Variants in KLHL14 observed in about 807,000 individuals in gnomAD.
The protein encoded by KLHL14 is kelch-like protein 14.
In KLHL14, 22 loss-of-function variants were observed where a neutral mutation model predicts 64.3. The ratio of observed to expected loss-of-function variants is 0.34; its 90% CI spans 0.24 to 0.49. KLHL14 has a LOEUF of 0.49. KLHL14 is among the 20% of genes least tolerant of loss of function. KLHL14 has a pLI of 0.99. For missense variants in KLHL14, 661 were observed against 789.0 expected, an observed-to-expected ratio of 0.84 and a Z score of 1.94; for synonymous variants, 322 against 333.4, an observed-to-expected ratio of 0.97 and a Z score of 0.37.
At chr18:32,738,016 C>CA (rs1455332680) in intron 3 of KLHL14, 4 of 151,984 alleles carry the variant, frequency 2.6e-5, no homozygotes, top group Admixed American at 1.3e-4. Flanking sequence ...TTGTTGGTCA[C>CA]AAAAGGCAAC....
chr18:32,748,527 G>C (rs2050235768), intron 2 of KLHL14, among the ~76,000 whole-genome samples: 1 of 151,960 alleles, frequency 6.6e-6, no homozygotes. Flanking sequence ...CCGCCATCAC[G>C]CCTGGCTAAT....
intron 5 of KLHL14, among the ~76,000 whole-genome samples, chr18:32,686,177 A>AT (rs148393455): frequency 0.025 from 2,663 of 107,658 alleles, 52 homozygotes; most frequent in Non-Finnish European, 0.029. Context: ...GTGCCCGGCT[A>AT]TTTTTTTTTT....
rs538208472 is a variant in KLHL14 at position 32,701,545 on chromosome 18, G to A, written c.1070-5993C>T. On this transcript the variant is annotated intron_variant, in intron 3 of 8. Transcript: ENST00000359358. ...GCAGGCAGACACAGGCTGAAATGCA[G>A]GTCTTCATGAGCCAGAATAAGCATG... Among the ~76,000 whole-genome samples the A allele has an allele frequency of 3.9e-5, 6 of 152,268 alleles. No individual in the cohort carries two copies. In the East Asian group the frequency reaches 1.2e-3, roughly 29 times the overall value.
At chr18:32,753,221 T>A (rs534691977) in intron 2 of KLHL14, among the ~76,000 whole-genome samples, 1 of 152,298 alleles carries the variant, frequency 6.6e-6, no homozygotes, top group South Asian at 2.1e-4. Context: ...AAATCCTACT[T>A]GGGGACGCAC....
intron 4 of KLHL14, among the ~76,000 whole-genome samples, chr18:32,688,213 GT>G (rs1478043277): frequency 6.6e-6 from 1 of 152,090 alleles, no homozygotes; most frequent in Non-Finnish European, 1.5e-5. Context: ...TTATATATGT[GT>G]AACTAAACAT....
chr18:32,714,790 G>A (rs2144503431), intron 3 of KLHL14, among the ~76,000 whole-genome samples: 1 of 152,080 alleles, frequency 6.6e-6, no homozygotes, highest in East Asian at 1.9e-4. Context: ...CAAGAACTAT[G>A]CTCAGGTACA....
intron 3 of KLHL14, among the ~76,000 whole-genome samples, chr18:32,697,429 A>G (rs759458216): frequency 6.6e-6 from 1 of 152,218 alleles, no homozygotes; most frequent in Non-Finnish European, 1.5e-5. Context: ...AGCTGTATGC[A>G]TCAATTCACA....
rs1035311783 is a variant in KLHL14 at position 32,751,827 on chromosome 18, G to A, written c.948-9778C>T. Among the ~76,000 whole-genome samples the A allele has an allele frequency of 4.6e-5, 7 of 152,226 alleles. No homozygotes were observed. In the East Asian group the frequency reaches 9.6e-4, roughly 21 times the overall value. On this transcript the variant is annotated intron_variant, in intron 2 of 8. Coordinates refer to ENST00000359358, the MANE Select transcript of KLHL14 (RefSeq NM_020805.3). ...TTTGTTGTATAAATGAAGATATGACGAATAAAAGAAGGAATAGAGTCCAAC... is the reference window on the plus strand; with the variant it reads ...TTTGTTGTATAAATGAAGATATGACAAATAAAAGAAGGAATAGAGTCCAAC...
rs111809508 is a variant in KLHL14, at chr18:32,683,116, G to GT, written c.1239-2518dup. On this transcript the variant is annotated intron_variant, in intron 5 of 8. Transcript: ENST00000359358. This position sits in a 1 kb window ranked among gnomAD's most constrained non-coding sequence, Gnocchi z 4.2. ...AACTCATTTTCTTGTCTAAAATTCA[G>GT]TTTTTTTTCACTTTTTATGATCTGG... 8.1e-3 allele frequency among the ~76,000 whole-genome samples: 1,234 copies of GT among 151,852 alleles called. 19 individuals carry two copies. Among genetic ancestry groups the GT allele is most frequent in the African/African-American group, 0.028 (1,142 of 41,404 alleles).
rs538905806 is a variant in KLHL14, at chr18:32,706,600, G to A, written c.1070-11048C>T. ...CTAAGACAATCTAAAGATACATACC[G>A]GGTTATCTATGCAGGACTTGATAAC... On this transcript the variant is annotated intron_variant, in intron 3 of 8. Transcript: ENST00000359358. 1.1e-3 allele frequency among the ~76,000 whole-genome samples: 165 copies of A among 152,138 alleles called. 1 individual carries two copies. Among genetic ancestry groups the A allele is most frequent in the Non-Finnish European group, 1.8e-3 (120 of 68,018 alleles).
At chr18:32,772,156 C>T (rs765183213) in intron 1 of KLHL14, 4 of 312,730 alleles carry the variant, frequency 1.3e-5, no homozygotes, top group African/African-American at 2.2e-5. Flanking sequence ...CCGCCCGGCT[C>T]GGAGGGATCC....
intron 3 of KLHL14, chr18:32,733,866 G>A (rs980747967): frequency 3.0e-6 from 1 of 334,620 alleles, no homozygotes; most frequent in African/African-American, 2.1e-5. Context: ...AATTGCTACG[G>A]TCTTTCCAAA....
At chr18:32,758,092 C>G (rs1197128319) in intron 2 of KLHL14, among the ~76,000 whole-genome samples, 1 of 152,014 alleles carries the variant, frequency 6.6e-6, no homozygotes, top group Non-Finnish European at 1.5e-5. Flanking sequence ...ATCTCTCTCT[C>G]TCTCTCTTTT....
rs1436178578 is a variant in KLHL14 at position 32,677,088 on chromosome 18, G to A, written c.1746+85C>T. Reference sequence around the variant, plus strand: ...AGTATGATACTCTTAAAAGGTACATGTGTGGAGGATAACACATTTGGAAGG... The same window carrying A: ...AGTATGATACTCTTAAAAGGTACATATGTGGAGGATAACACATTTGGAAGG... On this transcript the variant is annotated intron_variant, in intron 8 of 8. Transcript: ENST00000359358. 7 of 1,364,182 alleles carry A rather than the reference G, an allele frequency of 5.1e-6. No homozygotes were observed. In the Admixed American group the frequency reaches 9.9e-5, roughly 19 times the overall value. 84.5% of individuals were successfully genotyped at this position (1,364,182 alleles called of 1,614,324 possible). A position where few individuals can be genotyped will look rare whatever the true frequency, so the allele number is the denominator to read the frequency against.
At chr18:32,736,231 A>G (rs778357617) in intron 3 of KLHL14, among the ~76,000 whole-genome samples, 20 of 152,202 alleles carry the variant, frequency 1.3e-4, no homozygotes, top group Admixed American at 7.2e-4. Flanking sequence ...ACCACCACAC[A>G]TATTTTCTTA....
chr18:32,770,043 C>T lies in KLHL14; in HGVS notation c.549G>A (p.Val183=), dbSNP rs1052273167. Reference sequence around the variant, plus strand: ...TCTTGCACACCTGCTTGTAGTTCTGCACCGAGATCTGGTCGTTGAGGAACT... The same window carrying T: ...TCTTGCACACCTGCTTGTAGTTCTGTACCGAGATCTGGTCGTTGAGGAACT... ...CVQFLNDQIS[V]QNYKQVCKIA... Residue 183 remains valine, a synonymous_variant, in exon 2 of 9, where the codon GTG becomes GTA. Coordinates refer to ENST00000359358, the MANE Select transcript of KLHL14 (RefSeq NM_020805.3). The surrounding 1 kb of genome is among the most constrained non-coding windows in gnomAD (Gnocchi z 6.7). 7 of 1,614,020 alleles carry T rather than the reference C, an allele frequency of 4.3e-6. No homozygotes were observed. The highest frequency in any genetic ancestry group is 1.3e-5 in the African/African-American group (1 of 74,916).
rs1598566334 is a variant in KLHL14, at chr18:32,728,271, C to T, written c.1069+13657G>A. 2.6e-5 allele frequency among the ~76,000 whole-genome samples: 4 copies of T among 152,310 alleles called. No homozygotes were observed. The East Asian group carries it at 7.7e-4, about 29-fold the overall frequency. On this transcript the variant is annotated intron_variant, in intron 3 of 8. Transcript: ENST00000359358. ...CAGTAATGAGAAATAGCAAAGACTG[C>T]AGGCTCTGAAGCTTTATTCGGGTAC...
intron 3 of KLHL14, among the ~76,000 whole-genome samples, chr18:32,719,188 T>G (rs897702073): frequency 6.6e-6 from 1 of 152,208 alleles, no homozygotes; most frequent in African/African-American, 2.4e-5. Context: ...CCTCAGGTGA[T>G]CCGCCCACCT....
At chr18:32,715,520 A>G (rs1218225011) in intron 3 of KLHL14, among the ~76,000 whole-genome samples, 1 of 77,434 alleles carries the variant, frequency 1.3e-5, no homozygotes, top group Non-Finnish European at 2.9e-5. Context: ...TTTTTTTTTT[A>G]GTAGCTTCAA....
Sources: allele counts gnomAD v4.1 joint callset (sites outside exome capture counted in the v4.1 genomes callset), GRCh38; gene constraint gnomAD v4.1.1; non-coding constraint Gnocchi (gnomAD v3.1); transcripts MANE v1.5; gene names NCBI Gene and HGNC (gene_info 2026-07-23, HGNC 2026-07-21).